The following RAB21 variants were observed in gnomAD, a reference collection of about 807,000 sequenced individuals.
The protein encoded by RAB21 is ras-related protein Rab-21.
A neutral mutation model predicts 33.1 loss-of-function variants in RAB21; 13 were observed. The ratio of observed to expected loss-of-function variants is 0.39; its 90% CI spans 0.26 to 0.62. The LOEUF is 0.62. Among genes scored for constraint, RAB21 ranks in the 20% least tolerant of loss-of-function variants. RAB21 has a pLI of 0.48. For synonymous variants in RAB21, 91 were observed against 103.7 expected, an observed-to-expected ratio of 0.88 and a Z score of 0.74; for missense variants, 234 against 279.1, an observed-to-expected ratio of 0.84 and a Z score of 1.15.
intron 1 of RAB21, among the ~76,000 whole-genome samples, chr12:71,768,871 G>A (rs897997473): frequency 3.3e-5 from 5 of 152,196 alleles, no homozygotes. Context: ...GCATCCTAAT[G>A]TGTTAATGTG....
At chr12:71,770,898 T>C (rs1883033103) in intron 3 of RAB21, among the ~76,000 whole-genome samples, 199 bp downstream of exon 3, 1 of 152,228 alleles carries the variant, frequency 6.6e-6, no homozygotes, top group Admixed American at 6.5e-5. Context: ...TAATGAAATA[T>C]TTGATTCATA....
At chr12:71,762,165 C>T (rs1297175847) in intron 1 of RAB21, among the ~76,000 whole-genome samples, 1 of 152,186 alleles carries the variant, frequency 6.6e-6, no homozygotes, top group African/African-American at 2.4e-5. Flanking sequence ...CTTTGAGTTA[C>T]TCTTTAAACA....
At chr12:71,755,991 T>C (rs1331402417) in intron 1 of RAB21, among the ~76,000 whole-genome samples, 1 of 152,214 alleles carries the variant, frequency 6.6e-6, no homozygotes, top group Non-Finnish European at 1.5e-5. Context: ...TCGGCTTTCT[T>C]CCACAGGTAC....
rs1032482928 is a variant in RAB21 at position 71,796,575 on chromosome 12, C to T, written c.*10902C>T. The T allele has an allele frequency of 4.4e-5, 6 of 137,010 alleles. 3 individuals are homozygous for T. Among genetic ancestry groups the T allele is most frequent in the African/African-American group, 1.8e-4 (6 of 34,014 alleles). The allele number at this position is 137,010 out of a possible 1,614,324, so 8.5% of individuals were successfully genotyped here. On this transcript the variant is annotated 3_prime_UTR_variant, in exon 7 of 7. Transcript: ENST00000261263. Reference sequence around the variant, plus strand: ...TAAGATCCCTGACTATAAAGTAAGACTTATTATCTTGTATAGTTTGTAGCA... The same window carrying T: ...TAAGATCCCTGACTATAAAGTAAGATTTATTATCTTGTATAGTTTGTAGCA...
chr12:71,757,746 A>G (rs951763730), intron 1 of RAB21, among the ~76,000 whole-genome samples: 1 of 152,256 alleles, frequency 6.6e-6, no homozygotes, highest in South Asian at 2.1e-4. Flanking sequence ...AGAGGAAATC[A>G]TGTCAGAAGA....
rs1426100524 is a variant in RAB21, at chr12:71,782,457, T to G, written c.447-113T>G. The G allele has an allele frequency of 6.2e-6, 4 of 647,016 alleles. No individual in the cohort carries two copies. The East Asian group carries it at 1.2e-4, about 19-fold the overall frequency. 40.1% of individuals were successfully genotyped at this position (647,016 alleles called of 1,614,324 possible). A position where few individuals can be genotyped will look rare whatever the true frequency, so the allele number is the denominator to read the frequency against. On this transcript the variant is annotated intron_variant, in intron 5 of 6. Transcript: ENST00000261263. ...TTTAAATAGCTATATAAACTTAATT[T>G]CACTAAACTTGAGTAAATTAATATG...
rs190002568 is a variant in RAB21 at position 71,773,079 on chromosome 12, T to G, written c.328-880T>G. Reference sequence around the variant, plus strand: ...CAGTGTGATTTGATTACATCCAGATTAAATTTCATTGAAAAGAATGAAGGC... The same window carrying G: ...CAGTGTGATTTGATTACATCCAGATGAAATTTCATTGAAAAGAATGAAGGC... On this transcript the variant is annotated intron_variant, in intron 3 of 6. Transcript: ENST00000261263. Among the ~76,000 whole-genome samples the G allele has an allele frequency of 8.5e-5, 13 of 152,382 alleles. No individual in the cohort carries two copies. In the East Asian group the frequency reaches 2.1e-3, roughly 25 times the overall value.
chr12:71,757,115 C>T (rs926698421), intron 1 of RAB21, among the ~76,000 whole-genome samples: 3 of 151,992 alleles, frequency 2.0e-5, no homozygotes, highest in Non-Finnish European at 4.4e-5. Context: ...GAGGTCTCCA[C>T]GTTTTTTTTC....
At position 71,798,231 on chromosome 12, in the gene RAB21, T is replaced by C. The variant is rs328718; in HGVS notation, c.*12558T>C. 0.33 allele frequency: 49,839 copies of C among 151,872 alleles called. 12,211 individuals are homozygous for C. The highest frequency in any genetic ancestry group is 0.67 in the African/African-American group (27,689 of 41,354). The allele number at this position is 151,872 out of a possible 1,614,324, so 9.4% of individuals were successfully genotyped here. On this transcript the variant is annotated 3_prime_UTR_variant, in exon 7 of 7. Transcript: ENST00000261263. ...TCCCAAGTAGCTGGGACTACAGGTG[T>C]GCACCACCACACCTGGCTAATTTTT...
Position 71,797,971 on chromosome 12 carries a change from CAG to C in RAB21, c.*12302_*12303del, listed in dbSNP as rs1247317208. 1 of 151,982 alleles carries C rather than the reference CAG, an allele frequency of 6.6e-6. No homozygotes were observed. Among genetic ancestry groups the C allele is most frequent in the African/African-American group, 2.4e-5 (1 of 41,360 alleles). 9.4% of individuals were successfully genotyped at this position (151,982 alleles called of 1,614,324 possible). On this transcript the variant is annotated 3_prime_UTR_variant, in exon 7 of 7. Transcript: ENST00000261263. ...TGTTTAAAGTACCCAAAGAGGTTGTCAGAGAATTTTTAAAGATTTTAGTGTGG... is the reference window on the plus strand; with the variant it reads ...TGTTTAAAGTACCCAAAGAGGTTGTCAGAATTTTTAAAGATTTTAGTGTGG...
chr12:71,779,311 T>A (rs1332805317), intron 4 of RAB21, among the ~76,000 whole-genome samples: 1 of 152,046 alleles, frequency 6.6e-6, no homozygotes. Context: ...AATACAAAAA[T>A]TAGCCAGATG....
rs1391349920 is a variant in RAB21, at chr12:71,794,374, A to AAAAAC, written c.*8717_*8721dup. The AAAAAC allele has an allele frequency of 1.4e-5, 2 of 143,320 alleles. No homozygotes were observed. The highest frequency in any genetic ancestry group is 1.5e-5 in the Non-Finnish European group (1 of 66,318). The allele number at this position is 143,320 out of a possible 1,614,324, so 8.9% of individuals were successfully genotyped here. A position where few individuals can be genotyped will look rare whatever the true frequency, so the allele number is the denominator to read the frequency against. The stretch of plus-strand genomic sequence containing the variant: ...AACATGGTGAAACCCTGTCTCTACT[A>AAAAAC]AAAACAAAACAAAACAAAACCATAT... On this transcript the variant is annotated 3_prime_UTR_variant, in exon 7 of 7. Coordinates refer to ENST00000261263, the MANE Select transcript of RAB21 (RefSeq NM_014999.4).
intron 4 of RAB21, among the ~76,000 whole-genome samples, chr12:71,781,627 A>C (rs981380756): frequency 1.3e-5 from 2 of 152,220 alleles, no homozygotes; most frequent in Non-Finnish European, 2.9e-5. Context: ...GTAAACACTA[A>C]GATAGCCATA....
At chr12:71,762,184 T>C (rs1039784895) in intron 1 of RAB21, among the ~76,000 whole-genome samples, 1 of 152,262 alleles carries the variant, frequency 6.6e-6, no homozygotes, top group African/African-American at 2.4e-5. Context: ...CATGATTCTT[T>C]GACTTTCCTT....
rs1406511944 is a variant in RAB21 at position 71,795,827 on chromosome 12, A to G, written c.*10154A>G. ...TGTGTCCAAAAATCCTTAGTCTGTGATGGAATTTTTTAAAGTATATGTGAA... is the reference window on the plus strand; with the variant it reads ...TGTGTCCAAAAATCCTTAGTCTGTGGTGGAATTTTTTAAAGTATATGTGAA... On this transcript the variant is annotated 3_prime_UTR_variant, in exon 7 of 7. Transcript: ENST00000261263. 1 of 137,582 alleles carries G rather than the reference A, an allele frequency of 7.3e-6. No individual in the cohort carries two copies. The highest frequency in any genetic ancestry group is 2.9e-5 in the African/African-American group (1 of 34,200). 8.5% of individuals were successfully genotyped at this position (137,582 alleles called of 1,614,324 possible).
Position 71,789,075 on chromosome 12 carries a change from G to A in RAB21, c.*3402G>A, listed in dbSNP as rs1406847259. Reference sequence around the variant, plus strand: ...GACATTAAAGTGAAGAAGAAGAGTAGTACTTCACTTTTAGGTTTTTAGTAG... The same window carrying A: ...GACATTAAAGTGAAGAAGAAGAGTAATACTTCACTTTTAGGTTTTTAGTAG... On this transcript the variant is annotated 3_prime_UTR_variant, in exon 7 of 7. Coordinates refer to ENST00000261263, the MANE Select transcript of RAB21 (RefSeq NM_014999.4). 6.6e-6 allele frequency: 1 copy of A among 151,500 alleles called. No homozygotes were observed. The highest frequency in any genetic ancestry group is 1.5e-5 in the Non-Finnish European group (1 of 67,836). The allele number at this position is 151,500 out of a possible 1,614,324, so 9.4% of individuals were successfully genotyped here.
At position 71,795,575 on chromosome 12, in the gene RAB21, T is replaced by C. The variant is rs1883457024; in HGVS notation, c.*9902T>C. 2 of 138,074 alleles carry C rather than the reference T, an allele frequency of 1.4e-5. 1 individual carries two copies. The highest frequency in any genetic ancestry group is 5.2e-4 in the South Asian group (2 of 3,878). The allele number at this position is 138,074 out of a possible 1,614,324, so 8.6% of individuals were successfully genotyped here. A position where few individuals can be genotyped will look rare whatever the true frequency, so the allele number is the denominator to read the frequency against. ...GCCTTTATTTGTGATCAGTAAATTA[T>C]AAATTACACAGAAGCTTCCAGCTAC... On this transcript the variant is annotated 3_prime_UTR_variant, in exon 7 of 7. Coordinates refer to ENST00000261263, the MANE Select transcript of RAB21 (RefSeq NM_014999.4).
In RAB21 at chr12:71,793,760, T is replaced by G. The variant is rs913966826; in HGVS notation, c.*8087T>G. 1.3e-5 allele frequency: 2 copies of G among 152,236 alleles called. No individual in the cohort carries two copies. Among genetic ancestry groups the G allele is most frequent in the Admixed American group, 1.3e-4 (2 of 15,286 alleles). 9.4% of individuals were successfully genotyped at this position (152,236 alleles called of 1,614,324 possible). ...CGAAAGACATAATTTTGGGTGAACT[T>G]TCTTGAAGATGGTCAGAAAGGGCAT... On this transcript the variant is annotated 3_prime_UTR_variant, in exon 7 of 7. Transcript: ENST00000261263.
chr12:71,774,475 T>A (rs985380096), intron 4 of RAB21, among the ~76,000 whole-genome samples: 10 of 147,472 alleles, frequency 6.8e-5, no homozygotes. Flanking sequence ...CAAAAAAAAA[T>A]AGGCTGGGCA....
Sources: allele counts gnomAD v4.1 joint callset (sites outside exome capture counted in the v4.1 genomes callset), GRCh38; gene constraint gnomAD v4.1.1; transcripts MANE v1.5; gene names NCBI Gene and HGNC (gene_info 2026-07-23, HGNC 2026-07-21).